Variants in APAF1 observed in about 807,000 individuals in gnomAD.
The protein encoded by APAF1 is apoptotic peptidase activating factor 1, also known as apoptotic protease-activating factor 1.
A neutral mutation model predicts 152.4 loss-of-function variants in APAF1; 91 were observed. That is an observed-to-expected ratio of 0.60 (90% CI 0.50 to 0.71). The LOEUF (loss-of-function observed/expected upper bound fraction) is 0.71, where lower values mean the gene tolerates loss of function less well. Ranked by LOEUF, APAF1 falls within the 30% of genes least tolerant of loss-of-function variation. The pLI is 0.00. For synonymous variants in APAF1, 484 were observed against 494.1 expected, an observed-to-expected ratio of 0.98 and a Z score of 0.27; for missense variants, 1,283 against 1,472.0, an observed-to-expected ratio of 0.87 and a Z score of 2.10.
intron 13 of APAF1, among the ~76,000 whole-genome samples, chr12:98,679,606 G>C (rs1210492010): frequency 2.0e-5 from 3 of 152,222 alleles, no homozygotes; most frequent in African/African-American, 7.2e-5. Context: ...GAAAAGCTGC[G>C]GCCCTTCGGG....
rs750808870 is a variant in APAF1, at chr12:98,683,249, C to G, written c.2153C>G (p.Thr718Ser). The G allele has an allele frequency of 1.9e-6, 3 of 1,613,892 alleles. No individual in the cohort carries two copies. The African/African-American group carries it at 4.0e-5, about 22-fold the overall frequency. ...TNSSHHLLLA[T>S]GSSDCFLKLW... ...AGTAGTCATCATCTTCTCTTAGCCA[C>G]TGGGTCAAGTGACTGCTTCCTCAAA... Residue 718 changes from threonine (T) to serine (S), a missense_variant, in exon 15 of 27, where the codon ACT becomes AGT. Coordinates refer to ENST00000551964, the MANE Select transcript of APAF1 (RefSeq NM_181861.2).
intron 7 of APAF1, among the ~76,000 whole-genome samples, chr12:98,663,512 C>G (rs2097668147): frequency 6.6e-6 from 1 of 152,012 alleles, no homozygotes; most frequent in South Asian, 2.1e-4. Context: ...CCATGTCCAG[C>G]CTGTTACCCA....
intron 16 of APAF1, among the ~76,000 whole-genome samples, chr12:98,688,536 A>G (rs761528124): frequency 2.8e-5 from 4 of 141,376 alleles, no homozygotes; most frequent in Non-Finnish European, 4.5e-5. Context: ...CAGTGGTACC[A>G]TCATGGCTCA....
At chr12:98,649,254 A>G in intron 3 of APAF1, 4 of 976,728 alleles carry the variant, frequency 4.1e-6, no homozygotes, top group Non-Finnish European at 4.9e-6. Context: ...AGTAAAGCAG[A>G]TATAGATAGA....
intron 19 of APAF1, 145 bp downstream of exon 19, chr12:98,706,755 A>T (rs2097721833): frequency 3.3e-6 from 3 of 915,684 alleles, no homozygotes; most frequent in Non-Finnish European, 5.2e-6. Flanking sequence ...AAGTGCTGTT[A>T]TATGGACTGT....
rs542421926 is a variant in APAF1 at position 98,716,069 on chromosome 12, A to C, written c.3084+517A>C. On this transcript the variant is annotated intron_variant, in intron 22 of 26. Coordinates refer to ENST00000551964, the MANE Select transcript of APAF1 (RefSeq NM_181861.2). ...TAAAGTCCCAATGCACATTCTTTTA[A>C]AATTCAAATAGTATTACAAGACTTA... Among the ~76,000 whole-genome samples the C allele has an allele frequency of 3.5e-4, 54 of 152,338 alleles. 1 individual carries two copies. The South Asian group carries it at 0.011, about 32-fold the overall frequency.
intron 4 of APAF1, among the ~76,000 whole-genome samples, chr12:98,653,990 G>A (rs1207073177): frequency 6.6e-6 from 1 of 151,910 alleles, no homozygotes; most frequent in African/African-American, 2.4e-5. Flanking sequence ...TAAGCCTCCT[G>A]TGAAAGTAGT....
intron 15 of APAF1, among the ~76,000 whole-genome samples, chr12:98,685,398 C>T (rs1037905019): frequency 1.7e-4 from 26 of 151,632 alleles, no homozygotes; most frequent in African/African-American, 5.8e-4. Flanking sequence ...TGCAGTGGCA[C>T]GATCTTGGCT....
intron 13 of APAF1, among the ~76,000 whole-genome samples, 183 bp from the exon 14 acceptor site, chr12:98,680,094 G>A (rs146615927): frequency 6.6e-6 from 1 of 152,334 alleles, no homozygotes; most frequent in African/African-American, 2.4e-5. Context: ...ACAGTGAATA[G>A]TTCTCTAGTT....
At position 98,665,538 on chromosome 12, in the gene APAF1, A is replaced by AT. The variant is rs552639887; in HGVS notation, c.956-5dup. ...AGGATGGTATTAGCATAGTGACTTC[A>AT]TTTTTTTTTTAAAGGCTCTCCCCTT... On this transcript the variant is annotated splice_polypyrimidine_tract_variant and intron_variant, in intron 7 of 26. Transcript: ENST00000551964. The AT allele has an allele frequency of 3.0e-3, 4,343 of 1,433,018 alleles. No homozygotes were observed. Among genetic ancestry groups the AT allele is most frequent in the Non-Finnish European group, 3.7e-3 (3,835 of 1,032,124 alleles). The allele number at this position is 1,433,018 out of a possible 1,614,324, so 88.8% of individuals were successfully genotyped here. A position where few individuals can be genotyped will look rare whatever the true frequency, so the allele number is the denominator to read the frequency against.
chr12:98,648,059 A>T (rs1295538635), intron 1 of APAF1, among the ~76,000 whole-genome samples: 2 of 152,150 alleles, frequency 1.3e-5, no homozygotes, highest in African/African-American at 4.8e-5. Context: ...TTTCTGGGTT[A>T]GAGAGAAAGC....
At position 98,677,427 on chromosome 12, in the gene APAF1, A is replaced by C. The variant is rs1285958255; in HGVS notation, c.1796A>C (p.Asn599Thr). 6.2e-7 allele frequency: 1 copy of C among 1,614,048 alleles called. No individual in the cohort carries two copies. The highest frequency in any genetic ancestry group is 1.1e-5 in the South Asian group (1 of 91,078). Residue 599 changes from asparagine (N) to threonine (T), a missense_variant and splice_region_variant, in exon 13 of 27, where the codon AAC becomes ACC. Physicochemically the swap from Asn to Thr is moderately conservative, Grantham distance 65. Transcript: ENST00000551964. ...GTTCATTTTTTCCCTGTATTTAGAA[A>C]CAAAAAAAACATCACGAATCTTTCC... is the stretch of plus-strand genomic sequence containing the variant. ...DNGMLYLEWINKKNITNLSRL... is the reference protein window; with the variant it reads ...DNGMLYLEWITKKNITNLSRL...
intron 5 of APAF1, among the ~76,000 whole-genome samples, chr12:98,660,363 CAGGA>C (rs1309815788): frequency 6.6e-6 from 1 of 151,796 alleles, no homozygotes; most frequent in Non-Finnish European, 1.5e-5. Flanking sequence ...AAAAAAAAGT[CAGGA>C]AGGATTTTTA....
intron 12 of APAF1, among the ~76,000 whole-genome samples, chr12:98,673,455 A>C (rs1011041810): frequency 1.1e-4 from 16 of 151,752 alleles, no homozygotes; most frequent in African/African-American, 3.9e-4. Context: ...AAAAAAAAAA[A>C]ACAAAAAAAA....
chr12:98,719,266 A>G (rs1047980763), intron 22 of APAF1, among the ~76,000 whole-genome samples: 1 of 151,960 alleles, frequency 6.6e-6, no homozygotes, highest in Admixed American at 6.6e-5. Context: ...CCCCACCCTC[A>G]TTTCCTCCTT....
rs2097667406 is a variant in APAF1, at chr12:98,662,932, A to G, written c.955+126A>G. Reference sequence around the variant, plus strand: ...CAAAAACTTTTCTGGGAGATTTAGTATTTTAGGTTCTCTGATATCTTAAAT... The same window carrying G: ...CAAAAACTTTTCTGGGAGATTTAGTGTTTTAGGTTCTCTGATATCTTAAAT... On this transcript the variant is annotated intron_variant, in intron 7 of 26. Coordinates refer to ENST00000551964, the MANE Select transcript of APAF1 (RefSeq NM_181861.2). 9.1e-6 allele frequency: 7 copies of G among 769,994 alleles called. No individual in the cohort carries two copies. The Admixed American group carries it at 1.9e-4, about 21-fold the overall frequency. 47.7% of individuals were successfully genotyped at this position (769,994 alleles called of 1,614,324 possible). A position where few individuals can be genotyped will look rare whatever the true frequency, so the allele number is the denominator to read the frequency against.
chr12:98,709,829 A>G (rs1043350939), intron 20 of APAF1, among the ~76,000 whole-genome samples: 2 of 152,172 alleles, frequency 1.3e-5, no homozygotes, highest in African/African-American at 4.8e-5. Flanking sequence ...TCCCTGAGAC[A>G]TAGGATTGAG....
chr12:98,685,086 A>G (rs1346922553), intron 15 of APAF1, among the ~76,000 whole-genome samples: 1 of 152,246 alleles, frequency 6.6e-6, no homozygotes, highest in African/African-American at 2.4e-5. Flanking sequence ...GAGGAACAGT[A>G]TATATCTCAC....
intron 7 of APAF1, among the ~76,000 whole-genome samples, chr12:98,663,700 C>A (rs1463915133): frequency 1.3e-5 from 2 of 152,010 alleles, no homozygotes; most frequent in Non-Finnish European, 2.9e-5. Flanking sequence ...ACTCTGTCGT[C>A]CAGGCTGGAG....
Sources: gnomAD v4.1 joint callset for allele counts (sites outside exome capture counted in the v4.1 genomes callset) on GRCh38, gnomAD v4.1.1 for gene constraint, MANE v1.5 for transcripts, NCBI Gene and HGNC (gene_info 2026-07-23, HGNC 2026-07-21) for gene names.